DLGAP1: variants seen among roughly 807,000 people sequenced by gnomAD.
The protein encoded by DLGAP1 is disks large-associated protein 1.
A neutral mutation model predicts 90.8 loss-of-function variants in DLGAP1; 11 were observed. The observed-to-expected ratio is 0.12, with a 90% CI of 0.08 to 0.20. The LOEUF (loss-of-function observed/expected upper bound fraction) is 0.20. DLGAP1 is among the 10% of genes least tolerant of loss of function. The pLI is 1.00. For missense variants in DLGAP1, 1,050 were observed against 1,333.8 expected, an observed-to-expected ratio of 0.79 and a Z score of 3.31; for synonymous variants, 558 against 540.7, an observed-to-expected ratio of 1.03 and a Z score of -0.44.
intron 4 of DLGAP1, among the ~76,000 whole-genome samples, chr18:3,815,613 CCA>C (rs1436624207): frequency 2.0e-5 from 3 of 152,076 alleles, no homozygotes; most frequent in Admixed American, 2.0e-4. Context: ...TTTTTTCTTT[CCA>C]CAGTCATTTT....
intron 3 of DLGAP1, among the ~76,000 whole-genome samples, chr18:3,970,647 C>A (rs1256603933): frequency 6.6e-6 from 1 of 151,964 alleles, no homozygotes; most frequent in African/African-American, 2.4e-5. Context: ...TATTAGACTG[C>A]AAAATAGTAA....
chr18:3,837,849 CAAAAAAAAA>C (rs5822770), intron 4 of DLGAP1, among the ~76,000 whole-genome samples: 22 of 26,822 alleles, frequency 8.2e-4, no homozygotes, highest in East Asian at 6.8e-3. Context: ...GAGATTCTGT[CAAAAAAAAA>C]AAAAAAAAAA....
At chr18:4,437,081 C>T (rs577312963) in intron 1 of DLGAP1, among the ~76,000 whole-genome samples, 2 of 152,260 alleles carry the variant, frequency 1.3e-5, no homozygotes, top group East Asian at 3.9e-4. Flanking sequence ...AATAAAGCAG[C>T]CAAGGGGAAA....
At chr18:4,272,666 T>C (rs2079310360) in intron 1 of DLGAP1, among the ~76,000 whole-genome samples, 2 of 152,156 alleles carry the variant, frequency 1.3e-5, no homozygotes, top group Admixed American at 6.5e-5. Flanking sequence ...AGATTCAACA[T>C]ATATAAAAGG....
intron 2 of DLGAP1, among the ~76,000 whole-genome samples, chr18:4,053,564 G>A (rs902504419): frequency 6.6e-6 from 1 of 152,192 alleles, no homozygotes; most frequent in Non-Finnish European, 1.5e-5. Flanking sequence ...ATGAGATCTG[G>A]TTGTTTGGAA....
intron 7 of DLGAP1, among the ~76,000 whole-genome samples, chr18:3,610,755 C>G (rs1316389642): frequency 2.0e-5 from 3 of 152,192 alleles, no homozygotes; most frequent in Non-Finnish European, 2.9e-5. Flanking sequence ...AGGAGAATCA[C>G]TTGAACCCCG....
At chr18:3,870,630 A>ATCTG in intron 4 of DLGAP1, among the ~76,000 whole-genome samples, 1 of 152,050 alleles carries the variant, frequency 6.6e-6, no homozygotes, top group East Asian at 1.9e-4. Flanking sequence ...CTATCTATCT[A>ATCTG]TCTATCTATC....
In DLGAP1 at chr18:3,799,202, C is replaced by T. The variant is rs2066165184; in HGVS notation, c.1172+14857G>A. Among the ~76,000 whole-genome samples, 3 of 152,122 alleles carry T rather than the reference C, an allele frequency of 2.0e-5. No individual in the cohort carries two copies. The South Asian group carries it at 6.2e-4, about 31-fold the overall frequency. ...CATTTTAAAAATGAAAAAGAAAAAG[C>T]CACAACCAGAGAAGTCACTCACATA... On this transcript the variant is annotated intron_variant, in intron 5 of 12. Transcript: ENST00000315677.
intron 2 of DLGAP1, among the ~76,000 whole-genome samples, chr18:4,028,035 TA>T (rs1260435311): frequency 6.6e-6 from 1 of 152,196 alleles, no homozygotes; most frequent in Non-Finnish European, 1.5e-5. Context: ...TGGAGAAAGA[TA>T]AAGTGTGCTT....
At chr18:3,740,289 A>T (rs528985382) in intron 6 of DLGAP1, among the ~76,000 whole-genome samples, 1 of 152,332 alleles carries the variant, frequency 6.6e-6, no homozygotes, top group Admixed American at 6.5e-5. Context: ...TGTGAAAAAG[A>T]TAAAAACAAA....
At chr18:3,561,119 C>T (rs11662307) in intron 9 of DLGAP1, among the ~76,000 whole-genome samples, 45,787 of 150,012 alleles carry the variant, frequency 0.31, 9,400 homozygotes, top group Non-Finnish European at 0.43. Context: ...AGATCAATTA[C>T]GAATGAGAAA....
At chr18:4,133,495 C>T (rs529505810) in intron 2 of DLGAP1, among the ~76,000 whole-genome samples, 1 of 152,238 alleles carries the variant, frequency 6.6e-6, no homozygotes, top group African/African-American at 2.4e-5. Context: ...CTAATTTACC[C>T]AGCTTTATCT....
At chr18:4,123,097 T>C (rs376753358) in intron 2 of DLGAP1, among the ~76,000 whole-genome samples, 5 of 152,264 alleles carry the variant, frequency 3.3e-5, no homozygotes, top group Non-Finnish European at 5.9e-5. Context: ...TTAGTAAATA[T>C]AGAATTGGAA....
chr18:3,771,694 G>A (rs1283963776), intron 5 of DLGAP1, among the ~76,000 whole-genome samples: 1 of 152,164 alleles, frequency 6.6e-6, no homozygotes, highest in Non-Finnish European at 1.5e-5. Flanking sequence ...GGATGTCAGG[G>A]GCCTGGATTG....
At chr18:4,336,983 T>G (rs1434032188) in intron 1 of DLGAP1, among the ~76,000 whole-genome samples, 5 of 148,690 alleles carry the variant, frequency 3.4e-5, no homozygotes, top group African/African-American at 1.2e-4. Context: ...GCGTGGTGGC[T>G]GGCGCCTGTA....
At chr18:4,305,988 A>G (rs1322463219) in intron 1 of DLGAP1, among the ~76,000 whole-genome samples, 7 of 150,964 alleles carry the variant, frequency 4.6e-5, no homozygotes, top group African/African-American at 2.4e-5. Context: ...TCATTAATGA[A>G]ACAACTCCCA....
intron 3 of DLGAP1, among the ~76,000 whole-genome samples, chr18:3,936,488 G>T (rs1461807474): frequency 6.6e-6 from 1 of 152,112 alleles, no homozygotes; most frequent in Non-Finnish European, 1.5e-5. Context: ...CTTCCCCCTT[G>T]TTCCAGAATA....
At chr18:3,602,593 CAAA>C (rs71159102) in intron 7 of DLGAP1, among the ~76,000 whole-genome samples, 2 of 66,698 alleles carry the variant, frequency 3.0e-5, no homozygotes, top group Admixed American at 2.0e-4. Context: ...AGACTCCGTC[CAAA>C]AAAAAAAAAA....
intron 1 of DLGAP1, among the ~76,000 whole-genome samples, chr18:4,229,798 A>T (rs2078263475): frequency 6.6e-6 from 1 of 152,058 alleles, no homozygotes; most frequent in African/African-American, 2.4e-5. Flanking sequence ...GACAGATGGG[A>T]TTACATCAAT....
Sources: allele counts gnomAD v4.1 joint callset (sites outside exome capture counted in the v4.1 genomes callset), GRCh38; gene constraint gnomAD v4.1.1; transcripts MANE v1.5; gene names NCBI Gene and HGNC (gene_info 2026-07-23, HGNC 2026-07-21).